The following ADAM23 variants were observed in gnomAD, a reference collection of about 807,000 sequenced individuals.
The protein encoded by ADAM23 is disintegrin and metalloproteinase domain-containing protein 23.
In ADAM23, 33 loss-of-function variants were observed where a neutral mutation model predicts 120.1. The observed-to-expected ratio is 0.27, with a 90% CI of 0.21 to 0.37. ADAM23 has a LOEUF of 0.37. ADAM23 is among the 10% of genes least tolerant of loss of function. The pLI is 1.00. For missense variants in ADAM23, 862 were observed against 1,058.2 expected (o/e 0.81, Z 2.57); for synonymous variants, 367 against 375.2 (o/e 0.98, Z 0.25).
rs149510488 is a variant in ADAM23, at chr2:206,464,695, T to A, written c.433-16537T>A. Reference sequence around the variant, plus strand: ...TAGAGAGTAGGGGTTCTCAACCAGTTTGCTCCCCGCTGCCAACACTCCCCC... The same window carrying A: ...TAGAGAGTAGGGGTTCTCAACCAGTATGCTCCCCGCTGCCAACACTCCCCC... On this transcript the variant is annotated intron_variant, in intron 2 of 25. Transcript: ENST00000264377. 2.2e-3 allele frequency among the ~76,000 whole-genome samples: 332 copies of A among 152,260 alleles called. 1 individual carries two copies. The highest frequency in any genetic ancestry group is 7.5e-3 in the African/African-American group (312 of 41,536).
chr2:206,525,747 A>ACACC (rs1003793711), intron 3 of ADAM23, among the ~76,000 whole-genome samples: 1 of 151,862 alleles, frequency 6.6e-6, no homozygotes, highest in African/African-American at 2.4e-5. Flanking sequence ...GCTCACCACC[A>ACACC]CACCTGGCTA....
At position 206,621,053 on chromosome 2, in the gene ADAM23, T is replaced by C. The variant is rs1699046962; in HGVS notation, c.*3426T>C. ...ATAAATTCATTCGTATCTTGTTGGC[T>C]GCCTATGAATGGAGATTCAGTAGTC... On this transcript the variant is annotated 3_prime_UTR_variant, in exon 26 of 26. Coordinates refer to ENST00000264377, the MANE Select transcript of ADAM23 (RefSeq NM_003812.4). 2 of 152,256 alleles carry C rather than the reference T, an allele frequency of 1.3e-5. No individual in the cohort carries two copies. The highest frequency in any genetic ancestry group is 4.8e-5 in the African/African-American group (2 of 41,476). The allele number at this position is 152,256 out of a possible 1,614,324, so 9.4% of individuals were successfully genotyped here. A position where few individuals can be genotyped will look rare whatever the true frequency, so the allele number is the denominator to read the frequency against.
chr2:206,595,790 GAAT>G (rs901448698), intron 23 of ADAM23, among the ~76,000 whole-genome samples: 15 of 149,978 alleles, frequency 1.0e-4, no homozygotes, highest in Admixed American at 3.3e-4. Flanking sequence ...TTCAATTTAA[GAAT>G]AATAATAAAT....
chr2:206,511,437 G>A (rs1442615595), intron 3 of ADAM23, among the ~76,000 whole-genome samples: 3 of 152,298 alleles, frequency 2.0e-5, no homozygotes, highest in African/African-American at 7.2e-5. Flanking sequence ...AGAGTGTGGG[G>A]AGGAGAGCCA....
chr2:206,603,259 G>C (rs551501014), intron 24 of ADAM23, among the ~76,000 whole-genome samples: 2 of 152,214 alleles, frequency 1.3e-5, no homozygotes, highest in Admixed American at 1.3e-4. Context: ...TTTCAAATAT[G>C]TCCCCTATAA....
At chr2:206,460,105 CT>C (rs34090725) in intron 2 of ADAM23, among the ~76,000 whole-genome samples, 19,921 of 146,306 alleles carry the variant, frequency 0.14, 1,622 homozygotes, top group Admixed American at 0.24. Context: ...CTCAGAATGA[CT>C]TTTTTTTTTT....
intron 2 of ADAM23, among the ~76,000 whole-genome samples, chr2:206,473,647 A>G (rs1009519041): frequency 2.7e-5 from 4 of 150,894 alleles, no homozygotes; most frequent in Non-Finnish European, 5.9e-5. Flanking sequence ...TTGACATATT[A>G]TATTTTTCAC....
At chr2:206,482,653 G>A (rs902719372) in intron 3 of ADAM23, among the ~76,000 whole-genome samples, 23 of 152,182 alleles carry the variant, frequency 1.5e-4, no homozygotes, top group African/African-American at 5.6e-4. Context: ...AAGGAATCAG[G>A]TTGAGCACCT....
intron 2 of ADAM23, among the ~76,000 whole-genome samples, chr2:206,467,389 T>C (rs1559220142): frequency 6.6e-6 from 1 of 152,152 alleles, no homozygotes; most frequent in Non-Finnish European, 1.5e-5. Flanking sequence ...AAGGGAGAAA[T>C]CAGCGAAAAG....
intron 3 of ADAM23, among the ~76,000 whole-genome samples, chr2:206,489,844 T>G (rs1043760924): frequency 6.6e-6 from 1 of 152,096 alleles, no homozygotes; most frequent in Non-Finnish European, 1.5e-5. Flanking sequence ...TCACATTAAG[T>G]GAGAAAAAGA....
intron 8 of ADAM23, among the ~76,000 whole-genome samples, chr2:206,549,136 A>C (rs1002561622): frequency 1.3e-5 from 2 of 152,012 alleles, no homozygotes; most frequent in African/African-American, 4.8e-5. Flanking sequence ...GAAATTGCAC[A>C]TTTTAGATAA....
intron 18 of ADAM23, among the ~76,000 whole-genome samples, chr2:206,573,711 A>G (rs1452836668): frequency 6.6e-6 from 1 of 152,198 alleles, no homozygotes; most frequent in Non-Finnish European, 1.5e-5. Context: ...AGATAACTGT[A>G]TCAGCTGTTG....
At chr2:206,469,925 CCTT>C (rs1158690620) in intron 2 of ADAM23, among the ~76,000 whole-genome samples, 11 of 152,214 alleles carry the variant, frequency 7.2e-5, no homozygotes, top group African/African-American at 2.4e-4. Flanking sequence ...TTCAAAGACT[CCTT>C]CTTTGACCAT....
chr2:206,604,991 A>T (rs750194599), intron 24 of ADAM23, among the ~76,000 whole-genome samples: 2 of 152,194 alleles, frequency 1.3e-5, no homozygotes, highest in Non-Finnish European at 2.9e-5. Flanking sequence ...TTTAACACCA[A>T]ACTTCATTTT....
At chr2:206,452,198 C>A (rs1466926904) in intron 2 of ADAM23, among the ~76,000 whole-genome samples, 1 of 152,216 alleles carries the variant, frequency 6.6e-6, no homozygotes, top group African/African-American at 2.4e-5. Context: ...AACACTAACC[C>A]TTCTGCATTT....
chr2:206,480,177 A>C (rs1488162187), intron 2 of ADAM23, among the ~76,000 whole-genome samples: 1 of 152,174 alleles, frequency 6.6e-6, no homozygotes, highest in Non-Finnish European at 1.5e-5. Flanking sequence ...GAAAGACTTC[A>C]TGAAAAGCAT....
intron 6 of ADAM23, 126 bp downstream of exon 6, chr2:206,543,442 G>GAGT (rs1450329041): frequency 2.4e-4 from 185 of 760,526 alleles, no homozygotes; most frequent in Non-Finnish European, 1.1e-5. Flanking sequence ...TTCAAACTTA[G>GAGT]AGTAGTACCC....
At chr2:206,566,549 CAGAA>C (rs1295997380) in intron 14 of ADAM23, among the ~76,000 whole-genome samples, 1 of 152,144 alleles carries the variant, frequency 6.6e-6, no homozygotes, top group Non-Finnish European at 1.5e-5. Flanking sequence ...AAGTAATTCA[CAGAA>C]AGGCTCATTT....
At chr2:206,495,663 A>G (rs1413315330) in intron 3 of ADAM23, among the ~76,000 whole-genome samples, 1 of 152,214 alleles carries the variant, frequency 6.6e-6, no homozygotes, top group Non-Finnish European at 1.5e-5. Context: ...CTAACCTTAA[A>G]TATAAATGGG....
Sources: gnomAD v4.1 joint callset for allele counts (sites outside exome capture counted in the v4.1 genomes callset) on GRCh38, gnomAD v4.1.1 for gene constraint, MANE v1.5 for transcripts, NCBI Gene and HGNC (gene_info 2026-07-23, HGNC 2026-07-21) for gene names.